NOX4: variants seen among roughly 807,000 people sequenced by gnomAD.
The protein encoded by NOX4 is NADPH oxidase 4.
Under a neutral mutation model 87.6 loss-of-function variants are expected in NOX4, and 69 were observed. The ratio of observed to expected loss-of-function variants is 0.79; its 90% confidence interval spans 0.65 to 0.96. The LOEUF (loss-of-function observed/expected upper bound fraction) is 0.96. NOX4 is among the 40% of genes least tolerant of loss of function. NOX4 has a pLI of 0.00. For synonymous variants in NOX4, 275 were observed against 238.2 expected (o/e 1.15, Z -1.42); for missense variants, 680 against 681.5 (o/e 1.00, Z 0.02).
the NOX4 span, among the ~76,000 whole-genome samples, chr11:89,563,426 G>A: frequency 6.6e-6 from 1 of 152,128 alleles, no homozygotes; most frequent in Admixed American, 6.6e-5. Context: ...AACCTGGGAA[G>A]TGGCTCCTTG....
At chr11:89,543,921 C>T in the NOX4 span, among the ~76,000 whole-genome samples, 1 of 105,720 alleles carries the variant, frequency 9.5e-6, no homozygotes, top group Non-Finnish European at 1.9e-5. Context: ...ATTAGATATG[C>T]TTATAAGTAT....
intron 12 of NOX4, among the ~76,000 whole-genome samples, chr11:89,370,424 T>C (rs1047207873): frequency 5.3e-5 from 8 of 151,778 alleles, no homozygotes; most frequent in Non-Finnish European, 8.8e-5. Context: ...GTGGAATAAG[T>C]GGCTATTTAG....
At chr11:89,336,426 A>G (rs1640083640) in intron 16 of NOX4, among the ~76,000 whole-genome samples, 1 of 151,980 alleles carries the variant, frequency 6.6e-6, no homozygotes, top group African/African-American at 2.4e-5. Context: ...TATTTGGCTC[A>G]TTATATAAGT....
At chr11:89,405,103 T>TGTGTGTGTGTGTGTGC (rs1555016991) in intron 8 of NOX4, among the ~76,000 whole-genome samples, 5 of 151,556 alleles carry the variant, frequency 3.3e-5, no homozygotes, top group African/African-American at 9.7e-5. Context: ...TGTGTGTGTG[T>TGTGTGTGTGTGTGTGC]GTGTGTGTGT....
intron 12 of NOX4, 141 bp downstream of exon 12, chr11:89,373,291 A>C (rs940445415): frequency 1.3e-4 from 63 of 484,816 alleles, no homozygotes; most frequent in African/African-American, 7.8e-4. Flanking sequence ...AAAAAAAAAA[A>C]AAAAAAACAA....
At chr11:89,449,692 C>A (rs1050187610) in intron 3 of NOX4, among the ~76,000 whole-genome samples, 168 bp from the exon 4 acceptor site, 1 of 151,504 alleles carries the variant, frequency 6.6e-6, no homozygotes, top group East Asian at 1.9e-4. Flanking sequence ...ACACCTAAAC[C>A]ATTAAAAAAT....
chr11:89,476,367 A>G lies in NOX4; in HGVS notation c.153+14091T>C, dbSNP rs149314468. Among the ~76,000 whole-genome samples the G allele has an allele frequency of 7.9e-5, 12 of 152,260 alleles. No homozygotes were observed. In the East Asian group the frequency reaches 2.1e-3, roughly 27 times the overall value. The stretch of plus-strand genomic sequence containing the variant: ...GCAGTTCATAAGAAAGATATATAGA[A>G]GTTAAATCATACTTAAAATACTCAC... On this transcript the variant is annotated intron_variant, in intron 2 of 17. Transcript: ENST00000263317.
intron 11 of NOX4, among the ~76,000 whole-genome samples, chr11:89,396,366 C>A (rs1209377781): frequency 6.6e-6 from 1 of 152,114 alleles, no homozygotes; most frequent in Admixed American, 6.6e-5. Flanking sequence ...TATCCTGAGA[C>A]TTCGCTGAAG....
At chr11:89,336,058 G>A (rs530412346) in intron 16 of NOX4, 113 bp from the exon 17 acceptor site, 17 of 552,230 alleles carry the variant, frequency 3.1e-5, no homozygotes, top group Admixed American at 7.2e-5. Context: ...TATAAAGAAT[G>A]TAAGTATCAA....
At chr11:89,471,301 T>C (rs1945929489) in intron 2 of NOX4, among the ~76,000 whole-genome samples, 2 of 152,172 alleles carry the variant, frequency 1.3e-5, no homozygotes, top group African/African-American at 4.8e-5. Flanking sequence ...TTTGAGGACC[T>C]CAAAAATGCA....
chr11:89,389,842 T>C (rs545623421), intron 11 of NOX4, among the ~76,000 whole-genome samples: 1 of 152,272 alleles, frequency 6.6e-6, no homozygotes, highest in Admixed American at 6.6e-5. Flanking sequence ...ACTAAATGTG[T>C]GACTTTGGGC....
intron 11 of NOX4, among the ~76,000 whole-genome samples, chr11:89,394,875 G>T (rs550429062): frequency 6.6e-6 from 1 of 152,256 alleles, no homozygotes; most frequent in Non-Finnish European, 1.5e-5. Flanking sequence ...GTGTATATGT[G>T]CCACATATTC....
At chr11:89,390,231 G>A (rs150373086) in intron 11 of NOX4, among the ~76,000 whole-genome samples, 1 of 152,136 alleles carries the variant, frequency 6.6e-6, no homozygotes, top group Non-Finnish European at 1.5e-5. Flanking sequence ...AGAAATATTT[G>A]CCCTACTCAA....
chr11:89,535,228 G>C, the NOX4 span, among the ~76,000 whole-genome samples: 3 of 152,152 alleles, frequency 2.0e-5, no homozygotes, highest in African/African-American at 7.2e-5. Flanking sequence ...CACTTTTTAT[G>C]AATATGTGTT....
intron 13 of NOX4, among the ~76,000 whole-genome samples, chr11:89,350,589 G>A (rs1251469686): frequency 6.6e-6 from 1 of 152,104 alleles, no homozygotes; most frequent in African/African-American, 2.4e-5. Context: ...TATAGGGCAA[G>A]GAAGTTGCTT....
At chr11:89,414,968 T>C (rs1306071373) in intron 8 of NOX4, among the ~76,000 whole-genome samples, 1 of 151,992 alleles carries the variant, frequency 6.6e-6, no homozygotes, top group Non-Finnish European at 1.5e-5. Context: ...GACAAATAAA[T>C]AATTCAATAA....
chr11:89,451,956 T>C, intron 2 of NOX4, 61 bp from the exon 3 acceptor site: 1 of 1,140,008 alleles, frequency 8.8e-7, no homozygotes, highest in East Asian at 2.4e-5. Context: ...CTGTCCTGGC[T>C]CTAGAAGCTA....
chr11:89,589,061 GACTAC>G, the NOX4 span, among the ~76,000 whole-genome samples: 4 of 152,270 alleles, frequency 2.6e-5, no homozygotes, highest in South Asian at 6.2e-4. Context: ...CCTGAAGCCT[GACTAC>G]AGAAATTAGG....
At chr11:89,539,172 G>A in the NOX4 span, among the ~76,000 whole-genome samples, 2 of 152,096 alleles carry the variant, frequency 1.3e-5, no homozygotes, top group Non-Finnish European at 2.9e-5. Flanking sequence ...GGTGGCTCAC[G>A]CCTGTAATCC....
Sources: gnomAD v4.1 joint callset for allele counts (sites outside exome capture counted in the v4.1 genomes callset) on GRCh38, gnomAD v4.1.1 for gene constraint, MANE v1.5 for transcripts, NCBI Gene and HGNC (gene_info 2026-07-23, HGNC 2026-07-21) for gene names.